Variants in BPIFA1 observed in about 807,000 individuals in gnomAD.
BPIFA1 encodes BPI fold containing family A member 1, also known as BPI fold-containing family A member 1.
In BPIFA1, 24 loss-of-function variants were observed where a neutral mutation model predicts 25.1. That is an observed-to-expected ratio of 0.96 (90% CI 0.69 to 1.35). BPIFA1 has a LOEUF of 1.35. Ranked by LOEUF, BPIFA1 falls within the 40% of genes most tolerant of loss-of-function variation. BPIFA1 has a pLI of 0.00. For synonymous variants in BPIFA1, 139 were observed against 131.8 expected, an observed-to-expected ratio of 1.05 and a Z score of -0.37; for missense variants, 344 against 303.7, an observed-to-expected ratio of 1.13 and a Z score of -0.99.
rs763520922 is a variant in BPIFA1, at chr20:33,238,186, G to C, written c.292G>C (p.Val98Leu). 8 of 1,613,690 alleles carry C rather than the reference G, an allele frequency of 5.0e-6. No individual in the cohort carries two copies. In the African/African-American group the frequency reaches 1.1e-4, roughly 22 times the overall value. The change falls in exon 3 of 9, where the codon GTG becomes CTG. Residue 98 changes from valine (V) to leucine (L), a missense_variant. Transcript: ENST00000354297. Reference sequence around the variant, plus strand: ...GGGACTGCTTGGAAAAGTGACGTCAGTGATTCCTGGCCTGAACAACATCAT... The same window carrying C: ...GGGACTGCTTGGAAAAGTGACGTCACTGATTCCTGGCCTGAACAACATCAT... ...LGGLLGKVTS[V>L]IPGLNNIIDI... is the part of the protein sequence containing the mutation.
intron 1 of BPIFA1, among the ~76,000 whole-genome samples, chr20:33,236,315 T>C (rs1424294403): frequency 3.4e-4 from 51 of 152,202 alleles, no homozygotes; most frequent in Admixed American, 3.2e-3. Flanking sequence ...CCAATGTGGA[T>C]ACAGATGATC....
chr20:33,237,667 GC>G, intron 1 of BPIFA1, 29 bp from the exon 2 acceptor site: 3 of 1,393,786 alleles, frequency 2.2e-6, no homozygotes, highest in Non-Finnish European at 2.8e-6. Context: ...TGATACCCAT[GC>G]CATGTTGGAC....
At chr20:33,236,355 T>G (rs1978675435) in intron 1 of BPIFA1, among the ~76,000 whole-genome samples, 1 of 152,162 alleles carries the variant, frequency 6.6e-6, no homozygotes, top group African/African-American at 2.4e-5. Context: ...TTCACCCAAT[T>G]TTATACATTT....
chr20:33,240,518 G>A (rs1237050467), intron 5 of BPIFA1, 133 bp downstream of exon 5: 6 of 1,205,194 alleles, frequency 5.0e-6, no homozygotes, highest in Non-Finnish European at 7.0e-6. Flanking sequence ...ATGGGAAGGA[G>A]GGAGCGTGGA....
At chr20:33,240,487 G>T in intron 5 of BPIFA1, 102 bp downstream of exon 5, 1 of 1,440,392 alleles carries the variant, frequency 6.9e-7, no homozygotes, top group Non-Finnish European at 9.4e-7. Flanking sequence ...TGAGTGAGAG[G>T]CTGAAAGGGT....
At position 33,241,398 on chromosome 20, in the gene BPIFA1, C is replaced by A; in HGVS notation, c.595C>A (p.Pro199Thr). ...ISLLDGLGPLPIQGLLDSLTG... is the reference protein window; with the variant it reads ...ISLLDGLGPLTIQGLLDSLTG... Reference sequence around the variant, plus strand: ...TTTCTCTTTCAGACTTGGCCCCCTCCCCATTCAAGGTCTTCTGGACAGCCT... The same window carrying A: ...TTTCTCTTTCAGACTTGGCCCCCTCACCATTCAAGGTCTTCTGGACAGCCT... The change falls in exon 6 of 9, where the codon CCC (proline) becomes ACC (threonine). Residue 199 changes from proline to threonine, a missense_variant. By Grantham distance (38) the Pro-to-Thr change is conservative. Transcript: ENST00000354297. 1 of 1,614,014 alleles carries A rather than the reference C, an allele frequency of 6.2e-7. No individual in the cohort carries two copies. Among genetic ancestry groups the A allele is most frequent in the Non-Finnish European group, 8.5e-7 (1 of 1,179,870 alleles).
chr20:33,239,622 G>A (rs759322081), intron 3 of BPIFA1, among the ~76,000 whole-genome samples, 181 bp from the exon 4 acceptor site: 36 of 152,212 alleles, frequency 2.4e-4, no homozygotes, highest in Non-Finnish European at 4.8e-4. Flanking sequence ...GGCAGAGGCT[G>A]GAAAAGACCT....
At chr20:33,242,930 A>T (rs932428415) in intron 8 of BPIFA1, among the ~76,000 whole-genome samples, 177 bp from the exon 9 acceptor site, 3 of 152,160 alleles carry the variant, frequency 2.0e-5, no homozygotes, top group Admixed American at 6.5e-5. Context: ...GACTCACCAC[A>T]CATAAGTACA....
At chr20:33,241,492 C>G in intron 6 of BPIFA1, 23 bp downstream of exon 6, 1 of 1,584,930 alleles carries the variant, frequency 6.3e-7, no homozygotes, top group Non-Finnish European at 8.7e-7. Flanking sequence ...GGTGGGGATC[C>G]CCTGATCCTC....
At chr20:33,236,701 G>A (rs147039735) in intron 1 of BPIFA1, among the ~76,000 whole-genome samples, 1,696 of 152,310 alleles carry the variant, frequency 0.011, 30 homozygotes, top group African/African-American at 0.037. Flanking sequence ...ATCCAGGGCA[G>A]CTTGAAGGAG....
intron 5 of BPIFA1, among the ~76,000 whole-genome samples, chr20:33,240,671 ATAGATAGATAGATAGATAAAG>A (rs1348063395): frequency 2.7e-5 from 4 of 148,094 alleles, no homozygotes; most frequent in African/African-American, 1.1e-4. Context: ...AGATAGATAG[ATAGATAGATAGATAGATAAAG>A]TAGTACTTAT....
intron 3 of BPIFA1, among the ~76,000 whole-genome samples, chr20:33,238,960 C>G (rs528020291): frequency 6.6e-6 from 1 of 152,256 alleles, no homozygotes; most frequent in East Asian, 1.9e-4. Flanking sequence ...TGACCTGGGA[C>G]AGGACACCCT....
intron 8 of BPIFA1, 68 bp downstream of exon 8, chr20:33,242,629 G>A (rs1016431300): frequency 1.2e-5 from 14 of 1,143,772 alleles, no homozygotes; most frequent in East Asian, 9.5e-5. Flanking sequence ...GAAGGCAGAC[G>A]GGAGCTTGGG....
At position 33,240,255 on chromosome 20, in the gene BPIFA1, T is replaced by G. The variant is rs750288922; in HGVS notation, c.451T>G (p.Leu151Val). Reference sequence around the variant, plus strand: ...CAGGCCCCTGGTCGGTGCAAGTCTGTTGAGGCTGGCTGTGAAGCTGGACAT... The same window carrying G: ...CAGGCCCCTGGTCGGTGCAAGTCTGGTGAGGCTGGCTGTGAAGCTGGACAT... The part of the protein sequence containing the change: ...VNTPLVGASL[L>V]RLAVKLDITA... Residue 151 changes from leucine (L) to valine (V), a missense_variant, in exon 5 of 9, where the codon TTG (leucine) becomes GTG (valine). Leu to Val is a conservative substitution (Grantham distance 32). Transcript: ENST00000354297. 1 of 1,614,010 alleles carries G rather than the reference T, an allele frequency of 6.2e-7. No homozygotes were observed. Among genetic ancestry groups the G allele is most frequent in the African/African-American group, 1.3e-5 (1 of 74,914 alleles).
Position 33,240,124 on chromosome 20 carries a change from T to G in BPIFA1, c.429-109T>G, listed in dbSNP as rs183459848. The G allele has an allele frequency of 2.7e-6, 4 of 1,509,342 alleles. No individual in the cohort carries two copies. In the African/African-American group the frequency reaches 5.5e-5, roughly 21 times the overall value. The allele number at this position is 1,509,342 out of a possible 1,614,324, so 93.5% of individuals were successfully genotyped here. A position where few individuals can be genotyped will look rare whatever the true frequency, so the allele number is the denominator to read the frequency against. On this transcript the variant is annotated intron_variant, in intron 4 of 8. Coordinates refer to ENST00000354297, the MANE Select transcript of BPIFA1 (RefSeq NM_130852.3). ...TGCTAGAAAATGAGATAAGTACAAC[T>G]GTGGGCAAGATGGAGTGAGGTGAGG...
chr20:33,237,551 G>T, intron 1 of BPIFA1, 146 bp from the exon 2 acceptor site: 1 of 544,020 alleles, frequency 1.8e-6, no homozygotes, highest in African/African-American at 2.0e-5. Flanking sequence ...CTGGCAAAGA[G>T]AAATTGTTCA....
At chr20:33,237,950 G>A (rs902016822) in intron 2 of BPIFA1, 79 bp downstream of exon 2, 2 of 1,364,788 alleles carry the variant, frequency 1.5e-6, no homozygotes, top group Non-Finnish European at 2.0e-6. Context: ...GTGTGTGTGT[G>A]TCCAACCCTG....
intron 5 of BPIFA1, 99 bp downstream of exon 5, chr20:33,240,484 G>A: frequency 6.9e-7 from 1 of 1,453,570 alleles, no homozygotes; most frequent in Non-Finnish European, 9.3e-7. Context: ...AGATGAGTGA[G>A]AGGCTGAAAG....
chr20:33,237,787 G>T lies in BPIFA1; in HGVS notation c.76G>T (p.Val26Leu). ...QTMAQFGGLPVPLDQTLPLNV... is the reference protein window; with the variant it reads ...QTMAQFGGLPLPLDQTLPLNV... ...CATGGCCCAGTTTGGAGGCCTGCCC[G>T]TGCCCCTGGACCAGACCCTGCCCTT... Residue 26 changes from valine to leucine, a missense_variant, in exon 2 of 9, where the codon GTG becomes TTG. By Grantham distance (32) the Val-to-Leu change is conservative. Coordinates refer to ENST00000354297, the MANE Select transcript of BPIFA1 (RefSeq NM_130852.3). 3.8e-6 allele frequency: 6 copies of T among 1,597,210 alleles called. No individual in the cohort carries two copies. Among genetic ancestry groups the T allele is most frequent in the Non-Finnish European group, 5.1e-6 (6 of 1,171,326 alleles).
Sources: allele counts gnomAD v4.1 joint callset (sites outside exome capture counted in the v4.1 genomes callset), GRCh38; gene constraint gnomAD v4.1.1; transcripts MANE v1.5; gene names NCBI Gene and HGNC (gene_info 2026-07-23, HGNC 2026-07-21).